Variants in BTRC observed in about 807,000 individuals in gnomAD.
BTRC encodes beta-transducin repeat containing E3 ubiquitin protein ligase, also known as F-box/WD repeat-containing protein 1A.
A neutral mutation model predicts 85.5 loss-of-function variants in BTRC; 42 were observed. The ratio of observed to expected loss-of-function variants is 0.49; its 90% confidence interval spans 0.38 to 0.64. BTRC has a LOEUF of 0.64. Ranked by LOEUF, BTRC falls within the 30% of genes least tolerant of loss-of-function variation. The pLI is 0.00. For missense variants in BTRC, 594 were observed against 743.5 expected, an observed-to-expected ratio of 0.80 and a Z score of 2.34; for synonymous variants, 255 against 263.3, an observed-to-expected ratio of 0.97 and a Z score of 0.30.
At chr10:101,393,191 A>G (rs549108165) in intron 1 of BTRC, among the ~76,000 whole-genome samples, 1 of 152,324 alleles carries the variant, frequency 6.6e-6, no homozygotes, top group East Asian at 1.9e-4. Flanking sequence ...TGGTGTGCCC[A>G]GGGAGTCATG....
At chr10:101,515,530 G>A (rs1439310369) in intron 4 of BTRC, among the ~76,000 whole-genome samples, 1 of 104,296 alleles carries the variant, frequency 9.6e-6, no homozygotes, top group East Asian at 2.9e-4. Flanking sequence ...TTTTTTTTTT[G>A]AGATGGAGTC....
In BTRC at chr10:101,511,576, C is replaced by T. The variant is rs775848897; in HGVS notation, c.325-10063C>T. 5.3e-5 allele frequency among the ~76,000 whole-genome samples: 8 copies of T among 151,564 alleles called. No individual in the cohort carries two copies. In the East Asian group the frequency reaches 9.7e-4, roughly 18 times the overall value. On this transcript the variant is annotated intron_variant, in intron 4 of 14. Transcript: ENST00000370187. ...TTTTGTTTTGTTTTGTTTTGTTTTG[C>T]GACAGAGTCTCACTCTGTTGCCCAG...
At position 101,500,952 on chromosome 10, in the gene BTRC, G is replaced by A. The variant is rs1310332527; in HGVS notation, c.325-20687G>A. On this transcript the variant is annotated intron_variant, in intron 4 of 14. Coordinates refer to ENST00000370187, the MANE Select transcript of BTRC (RefSeq NM_033637.4). ...CTCAAGTCTGTAATCCCAGCACTTTGGGAGGCCAAGGCAGGTGGATCACCT... is the reference window on the plus strand; with the variant it reads ...CTCAAGTCTGTAATCCCAGCACTTTAGGAGGCCAAGGCAGGTGGATCACCT... 3.9e-5 allele frequency among the ~76,000 whole-genome samples: 6 copies of A among 152,286 alleles called. No individual in the cohort carries two copies. The South Asian group carries it at 1.0e-3, about 26-fold the overall frequency.
chr10:101,453,586 A>G (rs1405090836), intron 2 of BTRC: 1 of 152,238 alleles, frequency 6.6e-6, no homozygotes, highest in African/African-American at 2.4e-5. Context: ...TTGACTTTTC[A>G]TCACTGTGTA....
At chr10:101,471,438 T>G (rs34711120) in intron 3 of BTRC, among the ~76,000 whole-genome samples, 2 of 152,148 alleles carry the variant, frequency 1.3e-5, no homozygotes, top group Non-Finnish European at 2.9e-5. Context: ...ATCTGAGATA[T>G]ATAGGATTTT....
chr10:101,521,962 T>A, intron 5 of BTRC, 92 bp downstream of exon 5: 1 of 941,382 alleles, frequency 1.1e-6, no homozygotes, highest in Non-Finnish European at 1.5e-6. Flanking sequence ...AAGTCTTTAT[T>A]GGCTTGATTT....
intron 1 of BTRC, among the ~76,000 whole-genome samples, chr10:101,381,233 G>A (rs1564738430): frequency 6.6e-6 from 1 of 152,032 alleles, no homozygotes; most frequent in Non-Finnish European, 1.5e-5. Flanking sequence ...ATCTTATTAG[G>A]TGTGTATTAT....
intron 1 of BTRC, among the ~76,000 whole-genome samples, chr10:101,390,008 T>C (rs1441478169): frequency 6.6e-6 from 1 of 152,214 alleles, no homozygotes; most frequent in Non-Finnish European, 1.5e-5. Flanking sequence ...TTATCCTTTA[T>C]ATCTCAGTTC....
chr10:101,397,566 A>G (rs1433761344), intron 1 of BTRC, among the ~76,000 whole-genome samples: 1 of 152,246 alleles, frequency 6.6e-6, no homozygotes, highest in African/African-American at 2.4e-5. Context: ...AAGAAATGTA[A>G]TAACTATGAA....
rs142702537 is a variant in BTRC, at chr10:101,492,217, T to A, written c.324+12760T>A. 5.3e-5 allele frequency among the ~76,000 whole-genome samples: 8 copies of A among 152,286 alleles called. No homozygotes were observed. The South Asian group carries it at 6.2e-4, about 12-fold the overall frequency. On this transcript the variant is annotated intron_variant, in intron 4 of 14. Coordinates refer to ENST00000370187, the MANE Select transcript of BTRC (RefSeq NM_033637.4). Reference sequence around the variant, plus strand: ...CATTTTCTAGGAGTATCTAAGAGCATAAGAAATTTAATTATACAGTTTTGG... The same window carrying A: ...CATTTTCTAGGAGTATCTAAGAGCAAAAGAAATTTAATTATACAGTTTTGG...
At chr10:101,418,255 C>G (rs1045783306) in intron 1 of BTRC, among the ~76,000 whole-genome samples, 1 of 152,006 alleles carries the variant, frequency 6.6e-6, no homozygotes, top group Non-Finnish European at 1.5e-5. Context: ...GTAGTCCCAG[C>G]TACTCAGGAG....
intron 2 of BTRC, among the ~76,000 whole-genome samples, chr10:101,447,799 C>G (rs1267768567): frequency 2.0e-5 from 3 of 152,036 alleles, no homozygotes; most frequent in Non-Finnish European, 2.9e-5. Flanking sequence ...TTCAGTGCTA[C>G]AACGATTATT....
chr10:101,456,360 A>G (rs1297455366), intron 2 of BTRC, among the ~76,000 whole-genome samples: 28 of 152,170 alleles, frequency 1.8e-4, no homozygotes, highest in Non-Finnish European at 8.8e-5. Context: ...GATGATTCAA[A>G]GAAAAAGTTT....
At chr10:101,403,122 G>T (rs1943530693) in intron 1 of BTRC, among the ~76,000 whole-genome samples, 1 of 152,300 alleles carries the variant, frequency 6.6e-6, no homozygotes, top group East Asian at 1.9e-4. Context: ...TGATGGCATT[G>T]TTGGAATAAA....
Position 101,498,457 on chromosome 10 carries a change from C to T in BTRC, c.324+19000C>T, listed in dbSNP as rs537257747. 1.1e-3 allele frequency among the ~76,000 whole-genome samples: 166 copies of T among 152,138 alleles called. 1 individual carries two copies. The highest frequency in any genetic ancestry group is 3.4e-3 in the Middle Eastern group (1 of 294). On this transcript the variant is annotated intron_variant, in intron 4 of 14. Transcript: ENST00000370187. ...GGTGTGAGCCACCACACCCGGCCTC[C>T]GAAGCTGCTGTTACGATCTAAATCA...
intron 4 of BTRC, among the ~76,000 whole-genome samples, chr10:101,502,362 T>C (rs1164108152): frequency 6.6e-6 from 1 of 152,106 alleles, no homozygotes; most frequent in Non-Finnish European, 1.5e-5. Context: ...TGGGAAAACA[T>C]TGTAGCAATA....
intron 1 of BTRC, among the ~76,000 whole-genome samples, chr10:101,356,634 G>C (rs1422207003): frequency 2.0e-5 from 3 of 152,158 alleles, no homozygotes; most frequent in Non-Finnish European, 4.4e-5. Flanking sequence ...CTTGCCTGCT[G>C]TTTTGGCTGC....
intron 2 of BTRC, among the ~76,000 whole-genome samples, chr10:101,437,986 T>A (rs922748690): frequency 1.4e-4 from 21 of 152,200 alleles, no homozygotes; most frequent in Non-Finnish European, 2.8e-4. Context: ...AGTCAGAGGA[T>A]CTGTACCCAG....
At chr10:101,447,783 T>G (rs1944864615) in intron 2 of BTRC, among the ~76,000 whole-genome samples, 1 of 152,120 alleles carries the variant, frequency 6.6e-6, no homozygotes, top group Admixed American at 6.6e-5. Context: ...TTAGCCTAAT[T>G]TGAATTTCAG....
Sources: allele counts gnomAD v4.1 joint callset (sites outside exome capture counted in the v4.1 genomes callset), GRCh38; gene constraint gnomAD v4.1.1; transcripts MANE v1.5; gene names NCBI Gene and HGNC (gene_info 2026-07-23, HGNC 2026-07-21).